The following BSCL2 variants were observed in gnomAD, a reference collection of about 807,000 sequenced individuals.
BSCL2 encodes the protein seipin.
Under a neutral mutation model 57.4 loss-of-function variants are expected in BSCL2, and 41 were observed. The ratio of observed to expected loss-of-function variants is 0.71; its 90% CI spans 0.56 to 0.93. BSCL2 has a LOEUF of 0.93. BSCL2 is among the 40% of genes least tolerant of loss of function. The probability of loss-of-function intolerance (pLI) is 0.00; values close to 1 mark genes in which losing one functional copy is unlikely to be tolerated. For synonymous variants in BSCL2, 237 were observed against 227.3 expected, an observed-to-expected ratio of 1.04 and a Z score of -0.38; for missense variants, 539 against 586.7, an observed-to-expected ratio of 0.92 and a Z score of 0.84.
At chr11:62,706,266 G>T (rs775909465) in intron 1 of BSCL2, 276 of 1,090,442 alleles carry the variant, frequency 2.5e-4, no homozygotes, top group Middle Eastern at 4.5e-4. Flanking sequence ...CACCAGCCTC[G>T]CGCGCTGCCA....
At chr11:62,701,664 T>C (rs1456823712) in intron 3 of BSCL2, among the ~76,000 whole-genome samples, 1 of 151,886 alleles carries the variant, frequency 6.6e-6, no homozygotes, top group Non-Finnish European at 1.5e-5. Flanking sequence ...ATCCCATCCC[T>C]ACTAAAAATA....
intron 4 of BSCL2, among the ~76,000 whole-genome samples, chr11:62,693,797 G>T (rs1414987951): frequency 2.0e-5 from 3 of 151,866 alleles, no homozygotes; most frequent in Admixed American, 2.0e-4. Flanking sequence ...AAGGTTTCTG[G>T]TTTTGTAAGC....
intron 3 of BSCL2, 86 bp downstream of exon 3, chr11:62,702,382 A>C: frequency 4.1e-6 from 5 of 1,210,714 alleles, no homozygotes; most frequent in Non-Finnish European, 5.9e-6. Flanking sequence ...TTATTACTCA[A>C]TTCCTTCTCT....
At chr11:62,706,103 A>G (rs1358091097) in intron 1 of BSCL2, 2 of 549,952 alleles carry the variant, frequency 3.6e-6, no homozygotes, top group African/African-American at 4.2e-5. Context: ...GCTCACCGAC[A>G]CGGCTACACC....
upstream of BSCL2, chr11:62,707,465 G>T: frequency 1.5e-6 from 1 of 679,448 alleles, no homozygotes; most frequent in South Asian, 1.5e-5. Context: ...CCACTGCAGG[G>T]GCCGTCATAG....
chr11:62,691,502 A>G (rs1945310150), intron 6 of BSCL2, 81 bp from the exon 7 acceptor site: 3 of 1,537,668 alleles, frequency 2.0e-6, no homozygotes, highest in African/African-American at 1.4e-5. Context: ...AATAATTTCT[A>G]GGGCAATTCA....
intron 3 of BSCL2, among the ~76,000 whole-genome samples, chr11:62,696,973 G>A (rs1054407611): frequency 6.6e-6 from 1 of 151,814 alleles, no homozygotes; most frequent in Non-Finnish European, 1.5e-5. Flanking sequence ...AGGAGTTTGA[G>A]GCTACAATGA....
At chr11:62,701,490 A>G (rs1347832979) in intron 3 of BSCL2, among the ~76,000 whole-genome samples, 4 of 152,208 alleles carry the variant, frequency 2.6e-5, no homozygotes, top group Non-Finnish European at 1.5e-5. Flanking sequence ...CACAAAGCCT[A>G]TACTTATAAT....
chr11:62,695,981 T>C (rs1945448809), intron 3 of BSCL2, among the ~76,000 whole-genome samples: 2 of 152,134 alleles, frequency 1.3e-5, no homozygotes, highest in South Asian at 4.1e-4. Context: ...AAGACCAGCC[T>C]GGCCAAGATG....
In BSCL2 at chr11:62,705,595, T is replaced by C; in HGVS notation, c.110A>G (p.His37Arg). ...KEEEPPAAASHGQGWRPGGRA... is the reference protein window; with the variant it reads ...KEEEPPAAASRGQGWRPGGRA... ...GCCACCTGGACGCCACCCCTGGCCA[T>C]GGGATGCAGCAGCTGGTGGTTCCTG... The change falls in exon 2 of 11, where the codon CAT becomes CGT. Residue 37 changes from histidine (H) to arginine (R), a missense_variant. This residue lies in a region of BSCL2 where 218 missense variants were observed against 224.8 expected (regional missense o/e 0.97). Transcript: ENST00000360796. 1 of 1,554,696 alleles carries C rather than the reference T, an allele frequency of 6.4e-7. No homozygotes were observed. Among genetic ancestry groups the C allele is most frequent in the East Asian group, 2.3e-5 (1 of 43,348 alleles).
intron 2 of BSCL2, among the ~76,000 whole-genome samples, chr11:62,703,005 C>T (rs756887335): frequency 3.3e-5 from 5 of 152,000 alleles, no homozygotes; most frequent in South Asian, 2.1e-4. Flanking sequence ...ACAAAATTAG[C>T]GGGGCGTGGT....
intron 8 of BSCL2, 103 bp from the exon 9 acceptor site, chr11:62,690,970 A>G: frequency 1.3e-6 from 2 of 1,577,158 alleles, no homozygotes; most frequent in Admixed American, 1.7e-5. Context: ...CCCTTGTCTC[A>G]GTCGGTGATA....
intron 1 of BSCL2, chr11:62,706,418 C>G (rs1413546116): frequency 5.0e-6 from 3 of 598,746 alleles, no homozygotes; most frequent in Non-Finnish European, 7.5e-6. Context: ...GCGGAGCCTT[C>G]CCGAGCTGCG....
rs180776178 is a variant in BSCL2, at chr11:62,703,891, G to A, written c.405-1342C>T. On this transcript the variant is annotated intron_variant, in intron 2 of 10. Coordinates refer to ENST00000360796, the MANE Select transcript of BSCL2 (RefSeq NM_001122955.4). Reference sequence around the variant, plus strand: ...TCCCAGCACTTTGGGAGGCCAAGGGGGTGGATCACGAGGTCAGGAGTTCGA... The same window carrying A: ...TCCCAGCACTTTGGGAGGCCAAGGGAGTGGATCACGAGGTCAGGAGTTCGA... Among the ~76,000 whole-genome samples, 16 of 150,614 alleles carry A rather than the reference G, an allele frequency of 1.1e-4. No individual in the cohort carries two copies. In the East Asian group the frequency reaches 3.0e-3, roughly 29 times the overall value.
intron 7 of BSCL2, 46 bp downstream of exon 7, chr11:62,691,234 C>T: frequency 6.2e-7 from 1 of 1,614,204 alleles, no homozygotes; most frequent in Non-Finnish European, 8.5e-7. Context: ...CCCCTGACCA[C>T]CCACAAAGAT....
rs753309219 is a variant in BSCL2 at position 62,694,652 on chromosome 11, A to T, written c.546T>A (p.Pro182=). 6.2e-7 allele frequency: 1 copy of T among 1,614,180 alleles called. No homozygotes were observed. Among genetic ancestry groups the T allele is most frequent in the East Asian group, 2.2e-5 (1 of 44,884 alleles). ...AGAACATGCCCAAATCTTGATTCACAGGGGACTCTGGCAGCTCAAGCTCTA... is the reference window on the plus strand; with the variant it reads ...AGAACATGCCCAAATCTTGATTCACTGGGGACTCTGGCAGCTCAAGCTCTA... The part of the protein sequence containing the change: ...VTLELELPES[P]VNQDLGMFLV... Residue 182 remains proline, a synonymous_variant, in exon 4 of 11, where the codon CCT becomes CCA. Coordinates refer to ENST00000360796, the MANE Select transcript of BSCL2 (RefSeq NM_001122955.4).
At position 62,691,373 on chromosome 11, in the gene BSCL2, G is replaced by A. The variant is rs747317954; in HGVS notation, c.912C>T (p.Ala304=). The change falls in exon 7 of 11, where the codon GCC becomes GCT. Residue 304 remains alanine (A), a synonymous_variant. Coordinates refer to ENST00000360796, the MANE Select transcript of BSCL2 (RefSeq NM_001122955.4). ...FPMTCAFIGV[A]SNFTFLSVIV... is the part of the protein sequence containing the mutation. ...TGACGCTGAGGAAGGTGAAGTTGCTGGCAACACCTATGAAGGCGCAGGTCA... is the reference window on the plus strand; with the variant it reads ...TGACGCTGAGGAAGGTGAAGTTGCTAGCAACACCTATGAAGGCGCAGGTCA... 6.2e-7 allele frequency: 1 copy of A among 1,614,150 alleles called. No individual in the cohort carries two copies. Among genetic ancestry groups the A allele is most frequent in the Non-Finnish European group, 8.5e-7 (1 of 1,180,032 alleles).
chr11:62,706,955 T>G (rs2083550283), intron 1 of BSCL2, among the ~76,000 whole-genome samples, 154 bp downstream of exon 1: 1 of 152,220 alleles, frequency 6.6e-6, no homozygotes, highest in African/African-American at 2.4e-5. Flanking sequence ...GCAAGGCCAG[T>G]GTTGTGTACA....
In BSCL2 at chr11:62,707,398, T is replaced by A. The variant is rs1450747201; in HGVS notation, c.-203A>T. The A allele has an allele frequency of 1.4e-6, 1 of 704,532 alleles. No homozygotes were observed. Among genetic ancestry groups the A allele is most frequent in the Non-Finnish European group, 2.6e-6 (1 of 388,146 alleles). 43.6% of individuals were successfully genotyped at this position (704,532 alleles called of 1,614,324 possible). ...GGGAGGAAAGGAGGAGGGGGGCGACTGCCCAGCTGATGTCAGATTTTCAAA... is the reference window on the plus strand; with the variant it reads ...GGGAGGAAAGGAGGAGGGGGGCGACAGCCCAGCTGATGTCAGATTTTCAAA... On this transcript the variant is annotated 5_prime_UTR_variant, in exon 1 of 11. Coordinates refer to ENST00000360796, the MANE Select transcript of BSCL2 (RefSeq NM_001122955.4).
Sources: gnomAD v4.1 joint callset for allele counts (sites outside exome capture counted in the v4.1 genomes callset) on GRCh38, gnomAD v4.1.1 for gene constraint, gnomAD v4.1.1 regional missense constraint, MANE v1.5 for transcripts, NCBI Gene and HGNC (gene_info 2026-07-23, HGNC 2026-07-21) for gene names.